The following CYP7B1 variants were observed in gnomAD, a reference collection of about 807,000 sequenced individuals.
The protein encoded by CYP7B1 is cytochrome P450 family 7 subfamily B member 1, also known as cytochrome P450 7B1.
A neutral mutation model predicts 42.7 loss-of-function variants in CYP7B1; 29 were observed. The observed-to-expected ratio is 0.68, with a 90% confidence interval of 0.51 to 0.93. CYP7B1 has a LOEUF of 0.93. Ranked by LOEUF, CYP7B1 falls within the 40% of genes least tolerant of loss-of-function variation. The probability of loss-of-function intolerance (pLI) is 0.00; values close to 1 mark genes in which losing one functional copy is unlikely to be tolerated. For missense variants in CYP7B1, 655 were observed against 600.5 expected, an observed-to-expected ratio of 1.09 and a Z score of -0.95; for synonymous variants, 235 against 218.2, an observed-to-expected ratio of 1.08 and a Z score of -0.68.
At chr8:64,586,845 C>G (rs1300639414), downstream of CYP7B1, among the ~76,000 whole-genome samples, 1 of 152,192 alleles carries the variant, frequency 6.6e-6, no homozygotes, top group Non-Finnish European at 1.5e-5. Flanking sequence ...GCATATACAA[C>G]TTGAAAGTCT....
At chr8:64,773,091 C>T (rs1477910238) in intron 1 of CYP7B1, among the ~76,000 whole-genome samples, 4 of 152,136 alleles carry the variant, frequency 2.6e-5, no homozygotes, top group African/African-American at 9.7e-5. Flanking sequence ...ATATCACTGC[C>T]TATATGATAA....
intron 1 of CYP7B1, among the ~76,000 whole-genome samples, chr8:64,656,759 C>G (rs1423778579): frequency 6.6e-6 from 1 of 152,132 alleles, no homozygotes. Flanking sequence ...TTTCTGAATT[C>G]TATTTATTGA....
intron 1 of CYP7B1, among the ~76,000 whole-genome samples, chr8:64,745,450 G>C (rs1242621516): frequency 1.3e-5 from 2 of 152,146 alleles, no homozygotes; most frequent in African/African-American, 4.8e-5. Flanking sequence ...TTGTGCTATA[G>C]TTTTAAGCCA....
intron 4 of CYP7B1, among the ~76,000 whole-genome samples, chr8:64,609,201 T>C (rs926648177): frequency 6.6e-6 from 1 of 152,214 alleles, no homozygotes; most frequent in African/African-American, 2.4e-5. Context: ...GTACAACTTG[T>C]TGTTTGGAAA....
At chr8:64,609,536 A>G (rs966394955) in intron 4 of CYP7B1, among the ~76,000 whole-genome samples, 4 of 152,198 alleles carry the variant, frequency 2.6e-5, no homozygotes, top group East Asian at 1.9e-4. Context: ...CTAATTGTGT[A>G]TCAGAGATGA....
At chr8:64,636,078 C>T (rs543223303) in intron 1 of CYP7B1, among the ~76,000 whole-genome samples, 3 of 152,166 alleles carry the variant, frequency 2.0e-5, no homozygotes, top group Admixed American at 6.5e-5. Context: ...AATTGAGTTT[C>T]GAGCAGGCCC....
chr8:64,682,738 T>C (rs991841838), intron 1 of CYP7B1, among the ~76,000 whole-genome samples: 2 of 152,208 alleles, frequency 1.3e-5, no homozygotes, highest in African/African-American at 4.8e-5. Flanking sequence ...CAGCTCTTGA[T>C]ACCACGGAAT....
intron 1 of CYP7B1, among the ~76,000 whole-genome samples, chr8:64,729,937 T>C (rs1368946658): frequency 6.6e-6 from 1 of 152,238 alleles, no homozygotes; most frequent in Non-Finnish European, 1.5e-5. Flanking sequence ...CCTCTGGCTG[T>C]GAATCTAGTC....
intron 1 of CYP7B1, among the ~76,000 whole-genome samples, chr8:64,724,403 T>A (rs1378909891): frequency 6.6e-6 from 1 of 152,100 alleles, no homozygotes; most frequent in African/African-American, 2.4e-5. Flanking sequence ...CGCCTCAGCC[T>A]CCCAAAGTGC....
intron 1 of CYP7B1, among the ~76,000 whole-genome samples, chr8:64,775,487 A>G (rs1804308973): frequency 6.6e-6 from 1 of 152,168 alleles, no homozygotes; most frequent in South Asian, 2.1e-4. Context: ...ATTTAAGGAT[A>G]GTTCTTTCCT....
intron 1 of CYP7B1, among the ~76,000 whole-genome samples, chr8:64,745,432 A>G (rs1807629456): frequency 6.6e-6 from 1 of 152,184 alleles, no homozygotes; most frequent in South Asian, 2.1e-4. Context: ...ACCAAAGCTA[A>G]TGACTTTTTG....
chr8:64,623,062 G>A (rs912365586), intron 2 of CYP7B1, among the ~76,000 whole-genome samples: 7 of 152,262 alleles, frequency 4.6e-5, no homozygotes, highest in Non-Finnish European at 1.0e-4. Context: ...GACAGGACAT[G>A]CAAAAGCAAA....
chr8:64,728,341 G>C (rs1044835538), intron 1 of CYP7B1, among the ~76,000 whole-genome samples: 2 of 152,122 alleles, frequency 1.3e-5, no homozygotes, highest in African/African-American at 4.8e-5. Flanking sequence ...TCCTTGTGCT[G>C]GTTTCAGTGG....
intron 1 of CYP7B1, among the ~76,000 whole-genome samples, chr8:64,639,645 C>T (rs1240169367): frequency 1.3e-5 from 2 of 152,038 alleles, no homozygotes; most frequent in African/African-American, 4.8e-5. Context: ...AACTGGAACT[C>T]TCATACAGGG....
chr8:64,743,021 G>A (rs553857057), intron 1 of CYP7B1, among the ~76,000 whole-genome samples: 6 of 152,002 alleles, frequency 3.9e-5, no homozygotes, highest in South Asian at 2.1e-4. Flanking sequence ...CCAAGCCAAC[G>A]CCAATCTTTC....
At chr8:64,686,174 A>G (rs1806638294) in intron 1 of CYP7B1, among the ~76,000 whole-genome samples, 1 of 62,210 alleles carries the variant, frequency 1.6e-5, no homozygotes, top group Non-Finnish European at 3.3e-5. Flanking sequence ...AGCCGCCCCT[A>G]CTGGGAAGTG....
chr8:64,644,107 T>C (rs1447461304), intron 1 of CYP7B1, among the ~76,000 whole-genome samples: 3 of 152,066 alleles, frequency 2.0e-5, no homozygotes, highest in Non-Finnish European at 4.4e-5. Flanking sequence ...ACCCCGTCTC[T>C]ACTAAAAATA....
intron 2 of CYP7B1, among the ~76,000 whole-genome samples, chr8:64,620,492 C>G (rs1805513284): frequency 6.6e-6 from 1 of 152,174 alleles, no homozygotes; most frequent in African/African-American, 2.4e-5. Context: ...TTTTCTGCGA[C>G]AGGTCAAGAA....
rs12677253 is a variant in CYP7B1 at position 64,667,679 on chromosome 8, G to T, written c.123-43140C>A. ...ATCAGTTGGGTACCTTGCCATTATGGAATGAATTTAGGTCACTATGTTTTT... is the reference window on the plus strand; with the variant it reads ...ATCAGTTGGGTACCTTGCCATTATGTAATGAATTTAGGTCACTATGTTTTT... On this transcript the variant is annotated intron_variant, in intron 1 of 5. Transcript: ENST00000310193. Among the ~76,000 whole-genome samples, 168 of 152,234 alleles carry T rather than the reference G, an allele frequency of 1.1e-3. 4 individuals carry two copies. In the East Asian group the frequency reaches 0.03, roughly 27 times the overall value.
Sources: allele counts gnomAD v4.1 joint callset (sites outside exome capture counted in the v4.1 genomes callset), GRCh38; gene constraint gnomAD v4.1.1; transcripts MANE v1.5; gene names NCBI Gene and HGNC (gene_info 2026-07-23, HGNC 2026-07-21).